NFASC: variants seen among roughly 807,000 people sequenced by gnomAD.
The protein encoded by NFASC is neurofascin homolog.
A neutral mutation model predicts 147.5 loss-of-function variants in NFASC; 43 were observed. The ratio of observed to expected loss-of-function variants is 0.29; its 90% CI spans 0.23 to 0.38. The LOEUF is 0.38. NFASC is among the 10% of genes least tolerant of loss of function. The pLI is 1.00. For synonymous variants in NFASC, 622 were observed against 665.5 expected (o/e 0.93, Z 1.01); for missense variants, 1,320 against 1,689.0 (o/e 0.78, Z 3.83).
chr1:204,870,703 G>A lies in NFASC; in HGVS notation c.-200+41921G>A, dbSNP rs2077543604. The A allele has an allele frequency of 5.5e-6, 6 of 1,095,814 alleles. No homozygotes were observed. The South Asian group carries it at 1.5e-4, about 28-fold the overall frequency. The allele number at this position is 1,095,814 out of a possible 1,614,324, so 67.9% of individuals were successfully genotyped here. A position where few individuals can be genotyped will look rare whatever the true frequency, so the allele number is the denominator to read the frequency against. Reference sequence around the variant, plus strand: ...TGAGCAAGCCGGCCGAGGGAGGGGTGAGTGGTTATTAATAAACAAGTGTAT... The same window carrying A: ...TGAGCAAGCCGGCCGAGGGAGGGGTAAGTGGTTATTAATAAACAAGTGTAT... On this transcript the variant is annotated intron_variant, in intron 1 of 29. Transcript: ENST00000339876.
chr1:204,877,921 G>A (rs988325278), intron 1 of NFASC, among the ~76,000 whole-genome samples: 1 of 152,134 alleles, frequency 6.6e-6, no homozygotes. Flanking sequence ...CTCTGACTTC[G>A]TGCCTGTGGC....
At chr1:204,953,006 T>A (rs570979361) in intron 5 of NFASC, among the ~76,000 whole-genome samples, 2 of 152,226 alleles carry the variant, frequency 1.3e-5, no homozygotes, top group Non-Finnish European at 2.9e-5. Flanking sequence ...GGAGTCACCC[T>A]GAAGGGTTAG....
At chr1:204,996,528 C>T (rs929404528) in intron 24 of NFASC, among the ~76,000 whole-genome samples, 6 of 152,060 alleles carry the variant, frequency 3.9e-5, no homozygotes, top group Admixed American at 6.5e-5. Flanking sequence ...GGAGGAGAGG[C>T]AGGGGAATGA....
chr1:204,917,609 C>T (rs988726768), intron 1 of NFASC, among the ~76,000 whole-genome samples: 2 of 152,132 alleles, frequency 1.3e-5, no homozygotes, highest in Non-Finnish European at 2.9e-5. Flanking sequence ...GATTTAAACA[C>T]ATTTGTTATG....
chr1:204,843,547 G>A (rs1284098080), intron 1 of NFASC, among the ~76,000 whole-genome samples: 1 of 150,028 alleles, frequency 6.7e-6, no homozygotes, highest in Non-Finnish European at 1.5e-5. Context: ...CCCTCTCCAG[G>A]TCTGTCTCTC....
intron 1 of NFASC, among the ~76,000 whole-genome samples, chr1:204,893,904 A>C (rs561538291): frequency 6.6e-6 from 1 of 152,374 alleles, no homozygotes; most frequent in East Asian, 1.9e-4. Context: ...CTGCCTTTAG[A>C]TGGCTAACAA....
At chr1:204,834,885 T>C (rs1038766342) in intron 1 of NFASC, among the ~76,000 whole-genome samples, 1 of 152,038 alleles carries the variant, frequency 6.6e-6, no homozygotes, top group Non-Finnish European at 1.5e-5. Flanking sequence ...CTGGCCTGTT[T>C]CTGCCTGCCC....
intron 8 of NFASC, among the ~76,000 whole-genome samples, chr1:204,962,754 C>T (rs1459146113): frequency 6.6e-6 from 1 of 152,142 alleles, no homozygotes; most frequent in African/African-American, 2.4e-5. Flanking sequence ...GTGAAACCAT[C>T]CACCGTACCC....
Position 205,016,586 on chromosome 1 carries a change from G to A in NFASC, c.*47G>A. The A allele has an allele frequency of 2.1e-6, 3 of 1,399,424 alleles. No homozygotes were observed. The highest frequency in any genetic ancestry group is 3.0e-6 in the Non-Finnish European group (3 of 986,602). 86.7% of individuals were successfully genotyped at this position (1,399,424 alleles called of 1,614,324 possible). On this transcript the variant is annotated 3_prime_UTR_variant, in exon 30 of 30. Transcript: ENST00000339876. The surrounding 1 kb of genome is among the most constrained non-coding windows in gnomAD (Gnocchi z 5.1). ...CACCACTTTGCAAGTGGGAGGAGGG[G>A]AGAAGGGGAGACAAAACCACTGCAG...
At chr1:204,877,026 A>ATATATG (rs2079033818) in intron 1 of NFASC, among the ~76,000 whole-genome samples, 1 of 97,352 alleles carries the variant, frequency 1.0e-5, no homozygotes, top group Non-Finnish European at 1.7e-5. Context: ...ATATATATAT[A>ATATATG]TAATATATAT....
intron 24 of NFASC, among the ~76,000 whole-genome samples, chr1:204,991,981 C>T (rs1423645229): frequency 6.6e-6 from 1 of 152,190 alleles, no homozygotes; most frequent in African/African-American, 2.4e-5. Flanking sequence ...TCTCCACTCT[C>T]GGGGTATGGG....
chr1:204,905,419 C>T (rs1221654194), intron 1 of NFASC, among the ~76,000 whole-genome samples: 1 of 151,464 alleles, frequency 6.6e-6, no homozygotes, highest in Non-Finnish European at 1.5e-5. Flanking sequence ...GAAGGTGTCT[C>T]GTTGTGGTTT....
At chr1:204,859,415 AG>A (rs2076474288) in intron 1 of NFASC, among the ~76,000 whole-genome samples, 3 of 152,200 alleles carry the variant, frequency 2.0e-5, no homozygotes, top group Non-Finnish European at 4.4e-5. Flanking sequence ...TCCTGTCCTC[AG>A]TGGATGGGAA....
intron 2 of NFASC, among the ~76,000 whole-genome samples, chr1:204,939,525 C>T (rs899434619): frequency 6.6e-6 from 1 of 152,202 alleles, no homozygotes; most frequent in Non-Finnish European, 1.5e-5. Context: ...CTCAACCTAC[C>T]CCCTCTCCTC....
chr1:204,946,345 C>A (rs543138110), intron 3 of NFASC: 2 of 511,868 alleles, frequency 3.9e-6, no homozygotes, highest in Non-Finnish European at 3.9e-6. Flanking sequence ...CCTTAGCCTG[C>A]GGGTTAGAGA....
At chr1:204,957,291 A>T (rs2094473891) in intron 7 of NFASC, among the ~76,000 whole-genome samples, 1 of 152,136 alleles carries the variant, frequency 6.6e-6, no homozygotes, top group African/African-American at 2.4e-5. Context: ...TGAGAATTTG[A>T]ACCTTGGGGA....
At chr1:204,908,682 G>A (rs1298447329) in intron 1 of NFASC, among the ~76,000 whole-genome samples, 1 of 152,000 alleles carries the variant, frequency 6.6e-6, no homozygotes, top group Non-Finnish European at 1.5e-5. Flanking sequence ...GCCCTTTTAT[G>A]TGTGTGCCCA....
intron 1 of NFASC, among the ~76,000 whole-genome samples, chr1:204,835,421 G>C (rs187044406): frequency 6.6e-6 from 1 of 151,814 alleles, no homozygotes; most frequent in African/African-American, 2.4e-5. Flanking sequence ...AGAGATGGGG[G>C]TTTCACCATG....
chr1:205,013,874 T>C (rs1272096325), intron 29 of NFASC, among the ~76,000 whole-genome samples: 3 of 152,184 alleles, frequency 2.0e-5, no homozygotes, highest in African/African-American at 7.2e-5. Context: ...ATCAGATCAA[T>C]GTGTGGTGGA....
Sources: gnomAD v4.1 joint callset for allele counts (sites outside exome capture counted in the v4.1 genomes callset) on GRCh38, gnomAD v4.1.1 for gene constraint, Gnocchi (gnomAD v3.1) non-coding constraint, MANE v1.5 for transcripts, NCBI Gene and HGNC (gene_info 2026-07-23, HGNC 2026-07-21) for gene names.